The following GMNC variants were observed in gnomAD, a reference collection of about 807,000 sequenced individuals.
The protein encoded by GMNC is geminin coiled-coil domain-containing protein 1.
In GMNC, 16 loss-of-function variants were observed where a neutral mutation model predicts 33.6. That is an observed-to-expected ratio of 0.48 (90% CI 0.32 to 0.72). GMNC has a LOEUF of 0.72. GMNC is among the 30% of genes least tolerant of loss of function. GMNC has a pLI of 0.03. For synonymous variants in GMNC, 156 were observed against 147.3 expected, an observed-to-expected ratio of 1.06 and a Z score of -0.43; for missense variants, 393 against 388.9, an observed-to-expected ratio of 1.01 and a Z score of -0.09.
chr3:190,855,211 G>C lies in GMNC; in HGVS notation c.*84C>G, dbSNP rs1737704248. 16 of 1,352,330 alleles carry C rather than the reference G, an allele frequency of 1.2e-5. No individual in the cohort carries two copies. In the Admixed American group the frequency reaches 3.5e-4, roughly 29 times the overall value. 83.8% of individuals were successfully genotyped at this position (1,352,330 alleles called of 1,614,324 possible). A position where few individuals can be genotyped will look rare whatever the true frequency, so the allele number is the denominator to read the frequency against. On this transcript the variant is annotated 3_prime_UTR_variant, in exon 5 of 5. Coordinates refer to ENST00000442080, the MANE Select transcript of GMNC (RefSeq NM_001146686.3). ...GGAGACAGTCTAAGCAACAGCTTCT[G>C]TGTTCCACATAGTCAAATTCAAGTG... is the stretch of plus-strand genomic sequence containing the variant.
chr3:190,847,475 G>T, the GMNC span, among the ~76,000 whole-genome samples: 2 of 152,134 alleles, frequency 1.3e-5, no homozygotes, highest in African/African-American at 2.4e-5. Flanking sequence ...GATGGGTGGG[G>T]AACATAAAGT....
Position 190,858,567 on chromosome 3 carries a change from T to C in GMNC, c.267+361A>G, listed in dbSNP as rs143606229. On this transcript the variant is annotated intron_variant, in intron 3 of 4. Transcript: ENST00000442080. Reference sequence around the variant, plus strand: ...CATTATGTCTTCTCCAAGTATTAGCTATGCTTATGGTTTAAAAATACTGTC... The same window carrying C: ...CATTATGTCTTCTCCAAGTATTAGCCATGCTTATGGTTTAAAAATACTGTC... Among the ~76,000 whole-genome samples, 624 of 152,340 alleles carry C rather than the reference T, an allele frequency of 4.1e-3. 5 individuals carry two copies. Among genetic ancestry groups the C allele is most frequent in the South Asian group, 0.022 (106 of 4,834 alleles).
At position 190,857,823 on chromosome 3, in the gene GMNC, A is replaced by C. The variant is rs1295232002; in HGVS notation, c.344T>G (p.Leu115Arg). 1 of 1,549,914 alleles carries C rather than the reference A, an allele frequency of 6.5e-7. No individual in the cohort carries two copies. The highest frequency in any genetic ancestry group is 2.0e-5 in the Admixed American group (1 of 50,996). Residue 115 changes from leucine (L) to arginine (R), a missense_variant, in exon 4 of 5, where the codon CTG becomes CGG. Transcript: ENST00000442080. The stretch of plus-strand genomic sequence containing the variant: ...AAGACATTTAACCAAAGCAGAATTC[A>C]GGTATTGTCTGAGGTGATTATTCTC... ...HEENNHLRQY[L>R]NSALVKCLEE...
chr3:190,853,274 C>G lies in GMNC; in HGVS notation c.*2021G>C, dbSNP rs1002329078. The G allele has an allele frequency of 6.6e-6, 1 of 152,066 alleles. No homozygotes were observed. The highest frequency in any genetic ancestry group is 1.5e-5 in the Non-Finnish European group (1 of 67,978). The allele number at this position is 152,066 out of a possible 1,614,324, so 9.4% of individuals were successfully genotyped here. A position where few individuals can be genotyped will look rare whatever the true frequency, so the allele number is the denominator to read the frequency against. Reference sequence around the variant, plus strand: ...TAGACTTTCAAAATTAGTTATATTACTTTCTCAATTCCTAGTGTCATAAAG... The same window carrying G: ...TAGACTTTCAAAATTAGTTATATTAGTTTCTCAATTCCTAGTGTCATAAAG... On this transcript the variant is annotated 3_prime_UTR_variant, in exon 5 of 5. Transcript: ENST00000442080.
chr3:190,859,842 GA>G (rs1190260765), intron 2 of GMNC: 1 of 454,910 alleles, frequency 2.2e-6, no homozygotes, highest in Non-Finnish European at 4.4e-6. Context: ...TGATTAAAGT[GA>G]AATGATGAGT....
chr3:190,852,008 G>T (rs1737642696), downstream of GMNC, among the ~76,000 whole-genome samples: 1 of 141,638 alleles, frequency 7.1e-6, no homozygotes, highest in Non-Finnish European at 1.5e-5. Context: ...GATAAAATAT[G>T]AAAAATAAGT....
rs1737863937 is a variant in GMNC, at chr3:190,861,436, T to TGTC, written c.4-581_4-579dup. 6.6e-6 allele frequency among the ~76,000 whole-genome samples: 1 copy of TGTC among 151,138 alleles called. No individual in the cohort carries two copies. The highest frequency in any genetic ancestry group is 2.1e-4 in the South Asian group (1 of 4,762). ...CTCATAGTCCATCAATCTATCTGTC[T>TGTC]GTCTGTCTGTCTGCCTATCATCTAT... is the stretch of plus-strand genomic sequence containing the variant. On this transcript the variant is annotated intron_variant, in intron 1 of 4. Transcript: ENST00000442080. This position sits in a 1 kb window ranked among gnomAD's most constrained non-coding sequence, Gnocchi z 5.1.
chr3:190,844,968 G>A, the GMNC span, among the ~76,000 whole-genome samples: 1 of 152,014 alleles, frequency 6.6e-6, no homozygotes, highest in African/African-American at 2.4e-5. Flanking sequence ...AATATGATCC[G>A]TGGATAAAAT....
Position 190,861,450 on chromosome 3 carries a change from CCTATCAT to C in GMNC, c.4-599_4-593del, listed in dbSNP as rs1232143615. On this transcript the variant is annotated intron_variant, in intron 1 of 4. Coordinates refer to ENST00000442080, the MANE Select transcript of GMNC (RefSeq NM_001146686.3). This position sits in a 1 kb window ranked among gnomAD's most constrained non-coding sequence, Gnocchi z 5.1. The stretch of plus-strand genomic sequence containing the variant: ...ATCTATCTGTCTGTCTGTCTGTCTG[CCTATCAT>C]CTATCTATCTATCTATCTATCTATC... Among the ~76,000 whole-genome samples the C allele has an allele frequency of 1.3e-3, 194 of 145,930 alleles. 2 individuals are homozygous for C. The highest frequency in any genetic ancestry group is 2.5e-3 in the Non-Finnish European group (167 of 66,594).
At chr3:190,849,489 G>A (rs1035909308), downstream of GMNC, among the ~76,000 whole-genome samples, 3 of 152,296 alleles carry the variant, frequency 2.0e-5, no homozygotes, top group Non-Finnish European at 2.9e-5. Context: ...AATTCTCAGC[G>A]CATACTCATT....
chr3:190,855,951 A>G (rs1419545822), intron 4 of GMNC, 36 bp from the exon 5 acceptor site: 8 of 1,445,216 alleles, frequency 5.5e-6, no homozygotes, highest in Non-Finnish European at 7.4e-6. Flanking sequence ...TACTTTTTTC[A>G]TATATTTACT....
At chr3:190,860,928 A>G (rs928155106) in intron 1 of GMNC, 70 bp from the exon 2 acceptor site, 11 of 1,117,620 alleles carry the variant, frequency 9.8e-6, no homozygotes, top group Middle Eastern at 2.2e-4. Flanking sequence ...GAAGGGGGAA[A>G]GGGTGGGAGA....
At chr3:190,856,793 A>G (rs965977618) in intron 4 of GMNC, among the ~76,000 whole-genome samples, 1 of 151,830 alleles carries the variant, frequency 6.6e-6, no homozygotes, top group Non-Finnish European at 1.5e-5. Flanking sequence ...ATATTATTCT[A>G]AATATTGGAA....
At chr3:190,859,678 C>A (rs1056681091) in intron 2 of GMNC, 4 of 290,950 alleles carry the variant, frequency 1.4e-5, no homozygotes, top group Middle Eastern at 4.2e-4. Context: ...TTTCAAAGTG[C>A]CTTTTCCCCC....
chr3:190,857,063 C>T (rs895958456), intron 4 of GMNC, among the ~76,000 whole-genome samples: 1 of 149,166 alleles, frequency 6.7e-6, no homozygotes, highest in Non-Finnish European at 1.5e-5. Flanking sequence ...AATAATGCAG[C>T]TTGTCTAGAA....
rs1491272043 is a variant in GMNC, at chr3:190,862,419, A to AG, written c.3+193_3+194insC. The stretch of plus-strand genomic sequence containing the variant: ...AGAAAGAAGAGGGAGAGAGGGAGAG[A>AG]AAGAGAGAGAGAGAGAGAGAAAGCA... On this transcript the variant is annotated intron_variant, in intron 1 of 4. Coordinates refer to ENST00000442080, the MANE Select transcript of GMNC (RefSeq NM_001146686.3). This position sits in a 1 kb window ranked among gnomAD's most constrained non-coding sequence, Gnocchi z 4.5. Among the ~76,000 whole-genome samples the AG allele has an allele frequency of 6.9e-6, 1 of 145,056 alleles. No homozygotes were observed. Among genetic ancestry groups the AG allele is most frequent in the African/African-American group, 2.7e-5 (1 of 36,784 alleles).
chr3:190,861,941 A>C lies in GMNC; in HGVS notation c.3+672T>G, dbSNP rs565711406. On this transcript the variant is annotated intron_variant, in intron 1 of 4. Transcript: ENST00000442080. This position sits in a 1 kb window ranked among gnomAD's most constrained non-coding sequence, Gnocchi z 5.1. ...CTTCTTTGGACATTAACATAAACAG[A>C]GAGAAAACAAATAAGAAGAAAAAAG... Among the ~76,000 whole-genome samples, 1 of 152,276 alleles carries C rather than the reference A, an allele frequency of 6.6e-6. No individual in the cohort carries two copies. The highest frequency in any genetic ancestry group is 1.5e-5 in the Non-Finnish European group (1 of 68,016).
chr3:190,850,694 C>T (rs1327377698), downstream of GMNC, among the ~76,000 whole-genome samples: 1 of 152,140 alleles, frequency 6.6e-6, no homozygotes, highest in Non-Finnish European at 1.5e-5. Context: ...CTTTCCTATT[C>T]GTGTGACAAA....
At position 190,855,380 on chromosome 3, in the gene GMNC, G is replaced by A; in HGVS notation, c.920C>T (p.Thr307Ile). The A allele has an allele frequency of 1.3e-6, 2 of 1,551,962 alleles. No homozygotes were observed. The highest frequency in any genetic ancestry group is 1.7e-6 in the Non-Finnish European group (2 of 1,146,980). ...TSLSPHCNVK[T>I]HSFHQGQAFV... ...GGCTTGTCCCTGGTGGAAGGAATGA[G>A]TTTTCACATTACAATGAGGGCTCAG... Residue 307 changes from threonine to isoleucine, a missense_variant, in exon 5 of 5, where the codon ACT becomes ATT. Physicochemically the swap from Thr to Ile is moderately conservative, Grantham distance 89. Transcript: ENST00000442080.
Sources: gnomAD v4.1 joint callset for allele counts (sites outside exome capture counted in the v4.1 genomes callset) on GRCh38, gnomAD v4.1.1 for gene constraint, Gnocchi (gnomAD v3.1) non-coding constraint, MANE v1.5 for transcripts, NCBI Gene and HGNC (gene_info 2026-07-23, HGNC 2026-07-21) for gene names.